Variants in SH3PXD2A observed in about 807,000 individuals in gnomAD.
SH3PXD2A encodes the protein SH3 and PX domain-containing protein 2A.
In SH3PXD2A, 32 loss-of-function variants were observed where a neutral mutation model predicts 115.2. That is an observed-to-expected ratio of 0.28 (90% confidence interval 0.21 to 0.37). The LOEUF (loss-of-function observed/expected upper bound fraction) is 0.37. Among genes scored for constraint, SH3PXD2A ranks in the 10% least tolerant of loss-of-function variants. SH3PXD2A has a pLI of 1.00. For missense variants in SH3PXD2A, 1,328 were observed against 1,498.7 expected (o/e 0.89, Z 1.88); for synonymous variants, 610 against 629.1 (o/e 0.97, Z 0.45).
intron 1 of SH3PXD2A, among the ~76,000 whole-genome samples, chr10:103,836,311 C>CACACATCCTCCAGCACACACAT (rs2039539313): frequency 6.6e-6 from 1 of 152,074 alleles, no homozygotes; most frequent in Non-Finnish European, 1.5e-5. Flanking sequence ...ATTACACACA[C>CACACATCCTCCAGCACACACAT]ACACATCCTC....
chr10:103,747,750 G>A (rs996316834), intron 3 of SH3PXD2A, among the ~76,000 whole-genome samples: 3 of 152,182 alleles, frequency 2.0e-5, no homozygotes, highest in Admixed American at 1.3e-4. Flanking sequence ...AGCCACAGGG[G>A]AGTTTGCCTG....
chr10:103,686,383 G>C (rs2037678200), intron 6 of SH3PXD2A, among the ~76,000 whole-genome samples: 1 of 152,302 alleles, frequency 6.6e-6, no homozygotes, highest in East Asian at 1.9e-4. Flanking sequence ...TTCCCGGCTA[G>C]GTGCCCTGGC....
chr10:103,793,515 C>T (rs1222273628), intron 2 of SH3PXD2A, among the ~76,000 whole-genome samples: 1 of 152,148 alleles, frequency 6.6e-6, no homozygotes, highest in African/African-American at 2.4e-5. Context: ...AGGCTGTTTC[C>T]CATTTTTGCC....
chr10:103,695,181 G>T (rs539992618), intron 5 of SH3PXD2A, among the ~76,000 whole-genome samples: 1 of 152,124 alleles, frequency 6.6e-6, no homozygotes, highest in Non-Finnish European at 1.5e-5. Context: ...CAGGACTGAT[G>T]GCCCACTGAC....
intron 1 of SH3PXD2A, among the ~76,000 whole-genome samples, chr10:103,811,308 C>T (rs967022247): frequency 6.6e-6 from 1 of 152,220 alleles, no homozygotes; most frequent in East Asian, 1.9e-4. Flanking sequence ...TCCGCCAAAC[C>T]TTCTTACACG....
intron 14 of SH3PXD2A, among the ~76,000 whole-genome samples, chr10:103,605,566 ATGT>A (rs2036287807): frequency 2.0e-5 from 3 of 152,166 alleles, no homozygotes; most frequent in Admixed American, 6.5e-5. Flanking sequence ...GCTCTGGGAA[ATGT>A]TGTGAGACAA....
intron 3 of SH3PXD2A, among the ~76,000 whole-genome samples, chr10:103,745,543 G>A (rs1169376023): frequency 1.3e-5 from 2 of 152,192 alleles, no homozygotes; most frequent in Non-Finnish European, 2.9e-5. Context: ...ATTTAGCATG[G>A]AGCCCAGCCC....
chr10:103,850,260 T>C (rs1346714172), intron 1 of SH3PXD2A, among the ~76,000 whole-genome samples: 1 of 152,120 alleles, frequency 6.6e-6, no homozygotes, highest in African/African-American at 2.4e-5. Flanking sequence ...CCACCACACA[T>C]GGTAATTTCT....
Position 103,661,028 on chromosome 10 carries a change from G to A in SH3PXD2A, c.559C>T (p.Leu187Phe), listed in dbSNP as rs1564856885. Residue 187 changes from leucine to phenylalanine, a missense_variant, in exon 8 of 15, where the codon CTC (leucine) becomes TTC (phenylalanine). By Grantham distance (22) the Leu-to-Phe change is conservative. This residue lies in a region of SH3PXD2A where 509 missense variants were observed against 628.3 expected (regional missense o/e 0.81). Transcript: ENST00000369774. ...YKKQENSELS[L>F]QAGEVVDVIE... ...ACATCCACCACCTCCCCGGCCTGGAGGCTCAGCTCCGAGTTCTCCTGCTTC... is the reference window on the plus strand; with the variant it reads ...ACATCCACCACCTCCCCGGCCTGGAAGCTCAGCTCCGAGTTCTCCTGCTTC... The A allele has an allele frequency of 6.2e-7, 1 of 1,614,166 alleles. No individual in the cohort carries two copies. The highest frequency in any genetic ancestry group is 8.5e-7 in the Non-Finnish European group (1 of 1,180,016).
At chr10:103,834,084 A>T (rs1460508713) in intron 1 of SH3PXD2A, among the ~76,000 whole-genome samples, 2 of 152,210 alleles carry the variant, frequency 1.3e-5, no homozygotes, top group African/African-American at 4.8e-5. Context: ...ACTTCCTGAA[A>T]GACCCAGCTC....
rs2036142832 is a variant in SH3PXD2A at position 103,596,757 on chromosome 10, G to A, written c.*5059C>T. 2 of 152,454 alleles carry A rather than the reference G, an allele frequency of 1.3e-5. No homozygotes were observed. Among genetic ancestry groups the A allele is most frequent in the African/African-American group, 4.8e-5 (2 of 41,434 alleles). 9.4% of individuals were successfully genotyped at this position (152,454 alleles called of 1,614,324 possible). A position where few individuals can be genotyped will look rare whatever the true frequency, so the allele number is the denominator to read the frequency against. On this transcript the variant is annotated 3_prime_UTR_variant, in exon 15 of 15. Coordinates refer to ENST00000369774, the MANE Select transcript of SH3PXD2A (RefSeq NM_001394015.1). ...CAATGTGGACAGTTCTCTTCCCAGA[G>A]AGCTCTGCTTTGAGATTCTCAAAGA...
At chr10:103,831,947 A>G (rs1199357567) in intron 1 of SH3PXD2A, among the ~76,000 whole-genome samples, 1 of 152,192 alleles carries the variant, frequency 6.6e-6, no homozygotes, top group East Asian at 1.9e-4. Context: ...TTCACTTAGC[A>G]TAATGTTTTC....
intron 7 of SH3PXD2A, chr10:103,661,691 G>T: frequency 1.0e-6 from 1 of 985,270 alleles, no homozygotes; most frequent in Non-Finnish European, 1.2e-6. Flanking sequence ...GGAGAGAGCG[G>T]GAGAGAGCTT....
At chr10:103,787,425 C>T (rs1266405647) in intron 2 of SH3PXD2A, among the ~76,000 whole-genome samples, 2 of 152,248 alleles carry the variant, frequency 1.3e-5, no homozygotes, top group Admixed American at 1.3e-4. Flanking sequence ...AACATTGGCA[C>T]TTTGCCAGAC....
In SH3PXD2A at chr10:103,653,537, A is replaced by T. The variant is rs190102629; in HGVS notation, c.604+7446T>A. ...TATTCAAGGAAAATGGCCTTGGAGG[A>T]GTTTGGGACATGAGAGGTCCACAGA... On this transcript the variant is annotated intron_variant, in intron 8 of 14. Transcript: ENST00000369774. Among the ~76,000 whole-genome samples the T allele has an allele frequency of 2.5e-4, 38 of 152,220 alleles. No homozygotes were observed. The East Asian group carries it at 7.4e-3, about 30-fold the overall frequency.
chr10:103,709,132 A>C (rs1459991796), intron 5 of SH3PXD2A, among the ~76,000 whole-genome samples: 12 of 151,946 alleles, frequency 7.9e-5, no homozygotes, highest in Admixed American at 7.9e-4. Context: ...CTCCCTGTCC[A>C]TCAGCCAGGC....
At chr10:103,780,150 T>C (rs1269345227) in intron 2 of SH3PXD2A, among the ~76,000 whole-genome samples, 1 of 152,176 alleles carries the variant, frequency 6.6e-6, no homozygotes, top group South Asian at 2.1e-4. Flanking sequence ...AAACAGACCC[T>C]CAGCGGGCCT....
chr10:103,607,190 C>A (rs2036327778), intron 13 of SH3PXD2A, among the ~76,000 whole-genome samples: 1 of 151,278 alleles, frequency 6.6e-6, no homozygotes, highest in South Asian at 2.1e-4. Context: ...GGCCGCGACC[C>A]CGTCTGGGAG....
At chr10:103,837,479 C>T (rs1176758668) in intron 1 of SH3PXD2A, among the ~76,000 whole-genome samples, 1 of 152,226 alleles carries the variant, frequency 6.6e-6, no homozygotes, top group Non-Finnish European at 1.5e-5. Context: ...TAGCCCCCTA[C>T]CTTCCCCAAG....
Sources: allele counts gnomAD v4.1 joint callset (sites outside exome capture counted in the v4.1 genomes callset), GRCh38; gene constraint gnomAD v4.1.1; regional missense constraint gnomAD v4.1.1; transcripts MANE v1.5; gene names NCBI Gene and HGNC (gene_info 2026-07-23, HGNC 2026-07-21).